The following ZNF578 variants were observed in gnomAD, a reference collection of about 807,000 sequenced individuals.
ZNF578 encodes the protein zinc finger protein 578.
ZNF578 carries 8 observed loss-of-function variants against 8.3 expected under a neutral mutation model. That is an observed-to-expected ratio of 0.96 (90% CI 0.56 to 1.74). The LOEUF (loss-of-function observed/expected upper bound fraction) is 1.74, where lower values mean the gene tolerates loss of function less well. ZNF578 is among the 40% of genes most tolerant of loss of function. ZNF578 has a pLI of 0.00. For missense variants in ZNF578, 726 were observed against 707.5 expected, an observed-to-expected ratio of 1.03 and a Z score of -0.30; for synonymous variants, 206 against 232.2, an observed-to-expected ratio of 0.89 and a Z score of 1.03.
rs1466256286 is a variant in ZNF578, at chr19:52,513,233, G to C, written c.*1079G>C. On this transcript the variant is annotated 3_prime_UTR_variant, in exon 6 of 6. Transcript: ENST00000421239. ...GAAAGGGTTTCTCCATGTTGGTCAGGCTGGTCTCAAACTCCCGATCTCAGG... is the reference window on the plus strand; with the variant it reads ...GAAAGGGTTTCTCCATGTTGGTCAGCCTGGTCTCAAACTCCCGATCTCAGG... 1.3e-5 allele frequency among the ~76,000 whole-genome samples: 2 copies of C among 151,320 alleles called. No individual in the cohort carries two copies. Among genetic ancestry groups the C allele is most frequent in the Non-Finnish European group, 2.9e-5 (2 of 67,856 alleles).
At chr19:52,501,788 C>A in intron 3 of ZNF578, 39 bp from the exon 4 acceptor site, 1 of 1,600,960 alleles carries the variant, frequency 6.2e-7, no homozygotes, top group South Asian at 1.1e-5. Flanking sequence ...GGGAGTGAGT[C>A]ATATCTAACC....
At chr19:52,464,662 G>A (rs1298496762) in intron 2 of ZNF578, among the ~76,000 whole-genome samples, 1 of 151,988 alleles carries the variant, frequency 6.6e-6, no homozygotes, top group Non-Finnish European at 1.5e-5. Flanking sequence ...ATTTTTTGCT[G>A]CACAGAGTAT....
intron 2 of ZNF578, among the ~76,000 whole-genome samples, chr19:52,484,642 AC>A (rs1227858925): frequency 6.6e-6 from 1 of 151,776 alleles, no homozygotes; most frequent in African/African-American, 2.4e-5. Context: ...ATGACATTCC[AC>A]CACAAAAGAA....
chr19:52,495,911 CT>C (rs1464810868), intron 3 of ZNF578, among the ~76,000 whole-genome samples: 1 of 152,092 alleles, frequency 6.6e-6, no homozygotes, highest in Non-Finnish European at 1.5e-5. Context: ...AAGTGACTGA[CT>C]CTGTTACTAT....
chr19:52,487,050 G>A (rs2059348265), intron 2 of ZNF578, among the ~76,000 whole-genome samples: 1 of 151,796 alleles, frequency 6.6e-6, no homozygotes, highest in East Asian at 1.9e-4. Context: ...GAAGACAGAG[G>A]GGCTGGGTGC....
At chr19:52,510,340 C>T (rs1418013955) in intron 5 of ZNF578, among the ~76,000 whole-genome samples, 1 of 151,964 alleles carries the variant, frequency 6.6e-6, no homozygotes, top group Non-Finnish European at 1.5e-5. Flanking sequence ...ATGTTTGTGC[C>T]CTGTCAGTGT....
chr19:52,491,736 T>TA (rs1283002159), intron 3 of ZNF578, among the ~76,000 whole-genome samples: 2 of 151,082 alleles, frequency 1.3e-5, no homozygotes, highest in Non-Finnish European at 3.0e-5. Context: ...AAGAAAAAAG[T>TA]AAAAAAAGAA....
intron 1 of ZNF578, chr19:52,456,430 A>T (rs2059239956): frequency 6.6e-6 from 1 of 152,092 alleles, no homozygotes; most frequent in African/African-American, 2.4e-5. Flanking sequence ...GTCCCACATG[A>T]TTCTAATCTG....
chr19:52,486,314 G>A (rs1050360686), intron 2 of ZNF578, among the ~76,000 whole-genome samples: 6 of 152,102 alleles, frequency 3.9e-5, no homozygotes, highest in Non-Finnish European at 8.8e-5. Flanking sequence ...AGATGGTAGA[G>A]ATAGTGATCA....
At chr19:52,466,158 A>G (rs993491808) in intron 2 of ZNF578, among the ~76,000 whole-genome samples, 1 of 152,250 alleles carries the variant, frequency 6.6e-6, no homozygotes, top group African/African-American at 2.4e-5. Context: ...TGTGTCATAC[A>G]CCTAATCTAT....
At chr19:52,470,666 T>G (rs1434013427) in intron 2 of ZNF578, among the ~76,000 whole-genome samples, 1 of 152,132 alleles carries the variant, frequency 6.6e-6, no homozygotes, top group Non-Finnish European at 1.5e-5. Flanking sequence ...TAGAATAAAT[T>G]GACTTGCTGG....
intron 3 of ZNF578, among the ~76,000 whole-genome samples, chr19:52,493,328 G>T (rs748058949): frequency 6.6e-6 from 1 of 152,108 alleles, no homozygotes; most frequent in Non-Finnish European, 1.5e-5. Context: ...CTCGTGCCGG[G>T]CCCTGCTGCT....
chr19:52,456,844 G>GTTGTCT lies in ZNF578; in HGVS notation c.-212-22_-212-21insGTCTTT, dbSNP rs2059241269. The GTTGTCT allele has an allele frequency of 2.6e-5, 4 of 153,992 alleles. No individual in the cohort carries two copies. The South Asian group carries it at 8.2e-4, about 32-fold the overall frequency. 9.5% of individuals were successfully genotyped at this position (153,992 alleles called of 1,614,324 possible). A position where few individuals can be genotyped will look rare whatever the true frequency, so the allele number is the denominator to read the frequency against. ...TCAGGATTAACTTGTTTTTTAAAAAGTTTTCTTTTTCTTTTTCTTTCAGGA... is the reference window on the plus strand; with the variant it reads ...TCAGGATTAACTTGTTTTTTAAAAAGTTGTCTTTTTCTTTTTCTTTTTCTTTCAGGA... On this transcript the variant is annotated intron_variant, in intron 1 of 5. Transcript: ENST00000421239.
intron 2 of ZNF578, among the ~76,000 whole-genome samples, chr19:52,485,229 CT>C (rs2059340770): frequency 6.6e-6 from 1 of 152,178 alleles, no homozygotes; most frequent in African/African-American, 2.4e-5. Flanking sequence ...GTCATCCACT[CT>C]GGATCCTAGT....
rs1426641750 is a variant in ZNF578, at chr19:52,501,780, G to C, written c.-19-47G>C. 44 of 1,591,078 alleles carry C rather than the reference G, an allele frequency of 2.8e-5. 1 individual carries two copies. The highest frequency in any genetic ancestry group is 3.4e-5 in the Non-Finnish European group (40 of 1,166,370). ...TTCCTGTGTTTTTATCACAGGAAGG[G>C]AGTGAGTCATATCTAACCTGAAGTC... On this transcript the variant is annotated intron_variant, in intron 3 of 5. Coordinates refer to ENST00000421239, the MANE Select transcript of ZNF578 (RefSeq NM_001099694.2).
At chr19:52,453,825 T>G (rs34594523) in intron 1 of ZNF578, 128,313 of 148,114 alleles carry the variant, frequency 0.87, 56,011 homozygotes, top group Non-Finnish European at 0.96. Context: ...TTTCGTCCCG[T>G]TTACCTGCTT....
In ZNF578 at chr19:52,487,844, C is replaced by T. The variant is rs116763197; in HGVS notation, c.-121-3480C>T. 4.9e-3 allele frequency among the ~76,000 whole-genome samples: 748 copies of T among 152,138 alleles called. 3 individuals are homozygous for T. Among genetic ancestry groups the T allele is most frequent in the African/African-American group, 0.017 (719 of 41,498 alleles). On this transcript the variant is annotated intron_variant, in intron 2 of 5. Transcript: ENST00000421239. The stretch of plus-strand genomic sequence containing the variant: ...TAGAAACTTGGTTTCACTATGTTTC[C>T]CAGGCTGGTCTCAAAATCCTGGGCT...
intron 2 of ZNF578, among the ~76,000 whole-genome samples, chr19:52,460,415 T>A: frequency 6.6e-6 from 1 of 152,134 alleles, no homozygotes; most frequent in Non-Finnish European, 1.5e-5. Flanking sequence ...GTGATGAGCA[T>A]CTTATCATGT....
At position 52,515,673 on chromosome 19, in the gene ZNF578, C is replaced by T. The variant is rs1006018266; in HGVS notation, c.*3519C>T. Among the ~76,000 whole-genome samples the T allele has an allele frequency of 1.3e-5, 2 of 151,888 alleles. No individual in the cohort carries two copies. The highest frequency in any genetic ancestry group is 4.8e-5 in the African/African-American group (2 of 41,366). ...GAGGGGCTTGACCAGAAAAGGTCAA[C>T]CCGAGTGTCCCTGACCGTTGAAATG... is the stretch of plus-strand genomic sequence containing the variant. On this transcript the variant is annotated 3_prime_UTR_variant, in exon 6 of 6. Coordinates refer to ENST00000421239, the MANE Select transcript of ZNF578 (RefSeq NM_001099694.2).
Sources: gnomAD v4.1 joint callset for allele counts (sites outside exome capture counted in the v4.1 genomes callset) on GRCh38, gnomAD v4.1.1 for gene constraint, MANE v1.5 for transcripts, NCBI Gene and HGNC (gene_info 2026-07-23, HGNC 2026-07-21) for gene names.